Variants in SSH2 observed in about 807,000 individuals in gnomAD.
SSH2 encodes slingshot protein phosphatase 2.
A neutral mutation model predicts 135.2 loss-of-function variants in SSH2; 37 were observed. That is an observed-to-expected ratio of 0.27 (90% CI 0.21 to 0.36). SSH2 has a LOEUF of 0.36. Ranked by LOEUF, SSH2 falls within the 10% of genes least tolerant of loss-of-function variation. The pLI is 1.00. For missense variants in SSH2, 1,408 were observed against 1,765.3 expected (o/e 0.80, Z 3.63); for synonymous variants, 628 against 646.2 (o/e 0.97, Z 0.43).
intron 3 of SSH2, among the ~76,000 whole-genome samples, chr17:29,755,994 G>A (rs553395487): frequency 6.7e-6 from 1 of 149,304 alleles, no homozygotes; most frequent in Non-Finnish European, 1.5e-5. Flanking sequence ...GGCTGGGCGC[G>A]GTGGCTCATG....
intron 2 of SSH2, among the ~76,000 whole-genome samples, chr17:29,812,542 C>T (rs1342302526): frequency 6.6e-6 from 1 of 152,184 alleles, no homozygotes; most frequent in East Asian, 1.9e-4. Flanking sequence ...CCTTGGTCTC[C>T]CAAAGCACTG....
intron 3 of SSH2, among the ~76,000 whole-genome samples, chr17:29,728,562 T>G (rs1321574942): frequency 6.6e-6 from 1 of 152,154 alleles, no homozygotes; most frequent in Non-Finnish European, 1.5e-5. Context: ...AAAATTTACA[T>G]GGAACCACAA....
At chr17:29,744,991 G>A (rs1263178897) in intron 3 of SSH2, among the ~76,000 whole-genome samples, 2 of 151,934 alleles carry the variant, frequency 1.3e-5, no homozygotes, top group Non-Finnish European at 2.9e-5. Flanking sequence ...TGTGCTCACA[G>A]TCACTGGTAC....
At chr17:29,709,196 A>G (rs1025107803) in intron 3 of SSH2, among the ~76,000 whole-genome samples, 2 of 152,100 alleles carry the variant, frequency 1.3e-5, no homozygotes, top group African/African-American at 4.8e-5. Context: ...CTCAGAGATC[A>G]TAAGTTACTT....
At chr17:29,697,372 G>A (rs913821533) in intron 4 of SSH2, among the ~76,000 whole-genome samples, 6 of 152,216 alleles carry the variant, frequency 3.9e-5, no homozygotes, top group Middle Eastern at 3.4e-3. Context: ...ACTAATAGCT[G>A]TTAATTATGA....
intron 2 of SSH2, among the ~76,000 whole-genome samples, chr17:29,845,898 T>TAAAGTTA (rs1036717961): frequency 6.6e-6 from 1 of 152,058 alleles, no homozygotes; most frequent in Non-Finnish European, 1.5e-5. Flanking sequence ...CCATTAAAAC[T>TAAAGTTA]AAAGTTACCT....
At chr17:29,696,943 C>G (rs971782917) in intron 4 of SSH2, among the ~76,000 whole-genome samples, 1 of 151,942 alleles carries the variant, frequency 6.6e-6, no homozygotes, top group Non-Finnish European at 1.5e-5. Context: ...CTCGGCCTCC[C>G]AAAGTGCTGG....
At chr17:29,892,768 T>TGTCCTCTGGAACCTCTCTCC (rs2066374193) in intron 1 of SSH2, among the ~76,000 whole-genome samples, 2 of 152,126 alleles carry the variant, frequency 1.3e-5, no homozygotes, top group Admixed American at 1.3e-4. Flanking sequence ...TCTCTCTCTC[T>TGTCCTCTGGAACCTCTCTCC]GTCCTCTGGA....
chr17:29,872,579 A>AC lies in SSH2; in HGVS notation c.64-23651dup, dbSNP rs2151422432. Reference sequence around the variant, plus strand: ...AGACCTGCCTTAGCAACACAGCAAGACCCCCATCTCTACAAAAATAAAAAA... The same window carrying AC: ...AGACCTGCCTTAGCAACACAGCAAGACCCCCCATCTCTACAAAAATAAAAAA... On this transcript the variant is annotated intron_variant, in intron 1 of 15. Coordinates refer to ENST00000540801, the MANE Select transcript of SSH2 (RefSeq NM_001282129.2). Among the ~76,000 whole-genome samples the AC allele has an allele frequency of 2.0e-5, 3 of 151,730 alleles. 1 individual carries two copies. In the South Asian group the frequency reaches 6.3e-4, roughly 32 times the overall value.
chr17:29,890,880 C>T (rs528523166), intron 1 of SSH2, among the ~76,000 whole-genome samples: 45 of 152,168 alleles, frequency 3.0e-4, no homozygotes, highest in Non-Finnish European at 4.0e-4. Context: ...CTCAGCCTCC[C>T]GAGTAGCTGG....
intron 12 of SSH2, among the ~76,000 whole-genome samples, chr17:29,653,862 A>T (rs2036680583): frequency 6.6e-6 from 1 of 152,202 alleles, no homozygotes; most frequent in Non-Finnish European, 1.5e-5. Flanking sequence ...TGCTGGGATT[A>T]CAGGCGTGAG....
intron 1 of SSH2, among the ~76,000 whole-genome samples, chr17:29,900,795 C>T (rs2066536917): frequency 6.6e-6 from 1 of 152,064 alleles, no homozygotes; most frequent in African/African-American, 2.4e-5. Context: ...ACCCAAAGGA[C>T]TATAAATCAT....
At chr17:29,658,867 C>CAAAAA (rs541052752) in intron 11 of SSH2, among the ~76,000 whole-genome samples, 5 of 33,382 alleles carry the variant, frequency 1.5e-4, no homozygotes, top group Non-Finnish European at 2.6e-4. Flanking sequence ...AACTCCGTCT[C>CAAAAA]AAAAAAAAAA....
At chr17:29,885,049 G>A (rs182251660) in intron 1 of SSH2, among the ~76,000 whole-genome samples, 2 of 152,240 alleles carry the variant, frequency 1.3e-5, no homozygotes, top group Admixed American at 1.3e-4. Context: ...CTGAGTACGG[G>A]CTAAAGTTTA....
intron 11 of SSH2, 58 bp from the exon 12 acceptor site, chr17:29,655,665 G>A (rs1372873874): frequency 1.4e-6 from 2 of 1,478,496 alleles, no homozygotes; most frequent in Admixed American, 1.7e-5. Context: ...AACAATACTT[G>A]AAAAGGAGCG....
At position 29,630,943 on chromosome 17, in the gene SSH2, G is replaced by A. The variant is rs1040515496; in HGVS notation, c.4251C>T (p.Ala1417=). ...LQCACPAPGL[A]VAPRQQHGRT... Reference sequence around the variant, plus strand: ...TGCCGTGTTGCTGACGGGGTGCCACGGCCAGCCCTGGAGCTGGGCATGCAC... The same window carrying A: ...TGCCGTGTTGCTGACGGGGTGCCACAGCCAGCCCTGGAGCTGGGCATGCAC... The change falls in exon 16 of 16, where the codon GCC becomes GCT. Residue 1417 remains alanine (A), a synonymous_variant. Transcript: ENST00000540801. 6.2e-6 allele frequency: 10 copies of A among 1,609,620 alleles called. No homozygotes were observed. The highest frequency in any genetic ancestry group is 8.5e-6 in the Non-Finnish European group (10 of 1,176,328).
chr17:29,686,473 T>C (rs2038226992), intron 5 of SSH2, among the ~76,000 whole-genome samples: 1 of 151,588 alleles, frequency 6.6e-6, no homozygotes, highest in South Asian at 2.1e-4. Context: ...GCAATTTTCC[T>C]GCCTCAGCCT....
chr17:29,913,349 TATATATATATA>T (rs1182894135), intron 1 of SSH2, among the ~76,000 whole-genome samples: 2 of 16,612 alleles, frequency 1.2e-4, no homozygotes, highest in African/African-American at 2.0e-4. Context: ...AAAAAAAAAA[TATATATATATA>T]TATATATATA....
At chr17:29,693,556 C>T (rs921112846) in intron 5 of SSH2, among the ~76,000 whole-genome samples, 1 of 152,062 alleles carries the variant, frequency 6.6e-6, no homozygotes, top group Non-Finnish European at 1.5e-5. Flanking sequence ...AAATGATCTG[C>T]CCACCTCGGC....
Sources: gnomAD v4.1 joint callset for allele counts (sites outside exome capture counted in the v4.1 genomes callset) on GRCh38, gnomAD v4.1.1 for gene constraint, MANE v1.5 for transcripts, NCBI Gene and HGNC (gene_info 2026-07-23, HGNC 2026-07-21) for gene names.